The following CFAP299 variants were observed in gnomAD, a reference collection of about 807,000 sequenced individuals.
CFAP299 encodes the protein cilia and flagella associated protein 299, also known as cilia- and flagella-associated protein 299.
A neutral mutation model predicts 27.0 loss-of-function variants in CFAP299; 21 were observed. The ratio of observed to expected loss-of-function variants is 0.78; its 90% CI spans 0.55 to 1.12. The LOEUF (loss-of-function observed/expected upper bound fraction) is 1.12. CFAP299 is among the 50% of genes most tolerant of loss of function. CFAP299 has a pLI of 0.00. For synonymous variants in CFAP299, 104 were observed against 98.1 expected (o/e 1.06, Z -0.36); for missense variants, 310 against 276.6 (o/e 1.12, Z -0.86).
At chr4:80,519,500 C>A (rs1416819576) in intron 2 of CFAP299, among the ~76,000 whole-genome samples, 1 of 152,138 alleles carries the variant, frequency 6.6e-6, no homozygotes, top group African/African-American at 2.4e-5. Flanking sequence ...AGCTACCATG[C>A]CTGGCCTCAG....
chr4:80,756,556 T>G (rs1175435506), intron 3 of CFAP299, among the ~76,000 whole-genome samples: 1 of 151,982 alleles, frequency 6.6e-6, no homozygotes, highest in Non-Finnish European at 1.5e-5. Flanking sequence ...CATTTTTTAG[T>G]GTTAAAAAAA....
intron 3 of CFAP299, among the ~76,000 whole-genome samples, chr4:80,665,668 C>T (rs1212716127): frequency 6.6e-6 from 1 of 152,108 alleles, no homozygotes; most frequent in Non-Finnish European, 1.5e-5. Flanking sequence ...TTATCATTTG[C>T]ATTTAAGGTA....
chr4:80,710,373 C>T (rs1722071945), intron 3 of CFAP299, among the ~76,000 whole-genome samples: 1 of 151,834 alleles, frequency 6.6e-6, no homozygotes, highest in African/African-American at 2.4e-5. Flanking sequence ...AAGAAGAAAG[C>T]TCAAATAAAC....
chr4:80,660,598 AATT>A (rs1443328930), intron 3 of CFAP299, among the ~76,000 whole-genome samples: 1 of 152,188 alleles, frequency 6.6e-6, no homozygotes, highest in Non-Finnish European at 1.5e-5. Flanking sequence ...TGTTTTAATA[AATT>A]ATTAGTTATA....
intron 2 of CFAP299, among the ~76,000 whole-genome samples, chr4:80,518,369 G>T (rs982931433): frequency 5.9e-5 from 9 of 152,076 alleles, no homozygotes; most frequent in African/African-American, 1.9e-4. Flanking sequence ...AGATCTGGGG[G>T]CATCATTAAG....
intron 2 of CFAP299, among the ~76,000 whole-genome samples, chr4:80,435,260 C>T (rs1057154121): frequency 3.3e-5 from 5 of 152,094 alleles, no homozygotes; most frequent in East Asian, 1.9e-4. Flanking sequence ...GTATTGCTTT[C>T]CCACCCAAAC....
At chr4:80,951,382 C>G (rs1007804505) in intron 5 of CFAP299, among the ~76,000 whole-genome samples, 9 of 152,164 alleles carry the variant, frequency 5.9e-5, no homozygotes, top group Admixed American at 6.5e-5. Context: ...GGATTTATTT[C>G]TTTGTTCTTT....
At chr4:80,349,897 G>A (rs1412187042) in intron 1 of CFAP299, among the ~76,000 whole-genome samples, 1 of 152,146 alleles carries the variant, frequency 6.6e-6, no homozygotes, top group Non-Finnish European at 1.5e-5. Context: ...TTTAAGGAAA[G>A]TGTCATAAAT....
At chr4:80,424,060 T>C (rs775606690) in intron 2 of CFAP299, among the ~76,000 whole-genome samples, 10 of 152,234 alleles carry the variant, frequency 6.6e-5, no homozygotes, top group Non-Finnish European at 1.2e-4. Flanking sequence ...TCCTGATGGA[T>C]ATCCTCTCTT....
intron 3 of CFAP299, among the ~76,000 whole-genome samples, chr4:80,734,414 G>A (rs1016604127): frequency 6.6e-6 from 1 of 151,998 alleles, no homozygotes; most frequent in Admixed American, 6.6e-5. Context: ...CATTCTGTGG[G>A]TTGTCTCTTC....
chr4:80,871,351 G>T (rs181252544), intron 4 of CFAP299: 6 of 985,178 alleles, frequency 6.1e-6, no homozygotes, highest in Non-Finnish European at 7.2e-6. Flanking sequence ...AAAGTCAATC[G>T]ATCCACACAT....
chr4:80,603,842 G>T (rs1206512028), intron 3 of CFAP299, among the ~76,000 whole-genome samples: 1 of 151,988 alleles, frequency 6.6e-6, no homozygotes, highest in Non-Finnish European at 1.5e-5. Flanking sequence ...ATCTCTCTTG[G>T]TATCTCCATT....
At chr4:80,947,484 T>G (rs1448998819) in intron 5 of CFAP299, among the ~76,000 whole-genome samples, 2 of 152,142 alleles carry the variant, frequency 1.3e-5, no homozygotes, top group African/African-American at 4.8e-5. Context: ...TGGTCACAAC[T>G]AGAAGATAGA....
intron 5 of CFAP299, among the ~76,000 whole-genome samples, chr4:80,959,477 T>C (rs1423383811): frequency 1.3e-5 from 2 of 152,030 alleles, no homozygotes; most frequent in East Asian, 3.8e-4. Flanking sequence ...TATTTTCCTT[T>C]AAGTTAAAAA....
At chr4:80,515,394 G>A (rs1383212027) in intron 2 of CFAP299, among the ~76,000 whole-genome samples, 1 of 152,112 alleles carries the variant, frequency 6.6e-6, no homozygotes, top group African/African-American at 2.4e-5. Flanking sequence ...TAGTTCTCAT[G>A]CTAATTGCTA....
the CFAP299 span, among the ~76,000 whole-genome samples, chr4:80,327,690 T>TTTTTTATATATA: frequency 2.0e-5 from 1 of 51,242 alleles, no homozygotes; most frequent in Non-Finnish European, 3.7e-5. Context: ...TAGAGAGAAG[T>TTTTTTATATATA]TATATATATA....
intron 2 of CFAP299, among the ~76,000 whole-genome samples, chr4:80,488,725 C>G (rs186537679): frequency 1.3e-5 from 2 of 152,318 alleles, no homozygotes; most frequent in African/African-American, 4.8e-5. Context: ...ATCCGCCCAC[C>G]TTGGCCTCCC....
chr4:80,670,662 A>G (rs1033301625), intron 3 of CFAP299, among the ~76,000 whole-genome samples: 1 of 152,004 alleles, frequency 6.6e-6, no homozygotes, highest in African/African-American at 2.4e-5. Context: ...TGTTTCCTGA[A>G]TTTTTAATGA....
chr4:80,338,926 G>C (rs1722297353), intron 1 of CFAP299, among the ~76,000 whole-genome samples: 1 of 152,192 alleles, frequency 6.6e-6, no homozygotes, highest in African/African-American at 2.4e-5. Context: ...CATATAATCT[G>C]TGCCAGATCC....
Sources: allele counts gnomAD v4.1 joint callset (sites outside exome capture counted in the v4.1 genomes callset), GRCh38; gene constraint gnomAD v4.1.1; transcripts MANE v1.5; gene names NCBI Gene and HGNC (gene_info 2026-07-23, HGNC 2026-07-21).